The following MRPL39 variants were observed in gnomAD, a reference collection of about 807,000 sequenced individuals.
The protein encoded by MRPL39 is large ribosomal subunit protein mL39.
MRPL39 carries 35 observed loss-of-function variants against 44.5 expected under a neutral mutation model. That is an observed-to-expected ratio of 0.79 (90% confidence interval 0.60 to 1.04). MRPL39 has a LOEUF of 1.04. Among genes scored for constraint, MRPL39 ranks in the 50% least tolerant of loss-of-function variants. The pLI is 0.00. For missense variants in MRPL39, 433 were observed against 413.5 expected (o/e 1.05, Z -0.41); for synonymous variants, 139 against 136.1 (o/e 1.02, Z -0.15).
In MRPL39 at chr21:25,601,353, A is replaced by G; in HGVS notation, c.520+15T>C. The G allele has an allele frequency of 6.4e-7, 1 of 1,573,522 alleles. No individual in the cohort carries two copies. Among genetic ancestry groups the G allele is most frequent in the Non-Finnish European group, 8.7e-7 (1 of 1,149,422 alleles). On this transcript the variant is annotated intron_variant, in intron 4 of 9. Transcript: ENST00000352957. ...ATATTTAAGGATCACAAAAAGACAT[A>G]TATGTATACACTACCAGGAACTTCT...
chr21:25,591,046 A>G (rs2031160287), intron 8 of MRPL39, among the ~76,000 whole-genome samples: 1 of 148,412 alleles, frequency 6.7e-6, no homozygotes, highest in Non-Finnish European at 1.5e-5. Context: ...TTTTCAACGA[A>G]TGGTGTTGGA....
At chr21:25,590,935 T>A (rs1417410288) in intron 8 of MRPL39, among the ~76,000 whole-genome samples, 31 of 152,098 alleles carry the variant, frequency 2.0e-4, no homozygotes, top group Admixed American at 2.0e-3. Context: ...ACATATGTGA[T>A]CAATGGAACA....
chr21:25,603,304 C>T (rs1213093500), intron 3 of MRPL39, among the ~76,000 whole-genome samples: 1 of 151,980 alleles, frequency 6.6e-6, no homozygotes, highest in Non-Finnish European at 1.5e-5. Context: ...GCCTGGAAAG[C>T]TATGTGAATG....
chr21:25,606,635 C>A lies in MRPL39; in HGVS notation c.94G>T (p.Ala32Ser). The change falls in exon 2 of 10, where the codon GCT (alanine) becomes TCT (serine). Residue 32 changes from alanine (A) to serine (S), a missense_variant. Coordinates refer to ENST00000352957, the MANE Select transcript of MRPL39 (RefSeq NM_017446.4). Reference sequence around the variant, plus strand: ...AATTCTGTCGGTGACAGCTGAGAAGCTGACGATGTTGCTATAAATCCTGTG... The same window carrying A: ...AATTCTGTCGGTGACAGCTGAGAAGATGACGATGTTGCTATAAATCCTGTG... ...IKWRFIATSS[A>S]SQLSPTELTE... The A allele has an allele frequency of 6.2e-7, 1 of 1,612,886 alleles. No homozygotes were observed. Among genetic ancestry groups the A allele is most frequent in the Non-Finnish European group, 8.5e-7 (1 of 1,179,016 alleles).
rs1367177796 is a variant in MRPL39, at chr21:25,607,467, C to A, written c.9G>T (p.Ala3=). The A allele has an allele frequency of 1.9e-6, 3 of 1,611,862 alleles. No individual in the cohort carries two copies. The highest frequency in any genetic ancestry group is 1.3e-5 in the African/African-American group (1 of 74,918). Residue 3 remains alanine, a synonymous_variant, in exon 1 of 10, where the codon GCG becomes GCT. Coordinates refer to ENST00000352957, the MANE Select transcript of MRPL39 (RefSeq NM_017446.4). ...GCAGCGCCCGGGAACCCATGGCCAG[C>A]GCCTCCATAGCAGCGGTGAGAACCG... The part of the protein sequence containing the change: ME[A]LAMGSRALRL...
chr21:25,594,249 C>CTTTTTTTTTTTTTTTTTTTT (rs34629790), intron 6 of MRPL39, among the ~76,000 whole-genome samples: 2 of 54,256 alleles, frequency 3.7e-5, no homozygotes, highest in Non-Finnish European at 7.1e-5. Context: ...TTTCTTTGTT[C>CTTTTTTTTTTTTTTTTTTTT]TTTTTTTTTT....
intron 6 of MRPL39, among the ~76,000 whole-genome samples, chr21:25,595,923 G>T (rs978856442): frequency 6.6e-6 from 1 of 152,068 alleles, no homozygotes; most frequent in African/African-American, 2.4e-5. Flanking sequence ...ATAAATGGTG[G>T]TTTGGTTCTA....
intron 4 of MRPL39, 30 bp downstream of exon 4, chr21:25,601,337 GA>G: frequency 7.4e-7 from 1 of 1,360,044 alleles, no homozygotes; most frequent in Non-Finnish European, 1.0e-6. Flanking sequence ...AATATTTAAG[GA>G]TCACAAAAAG....
chr21:25,601,466 G>T lies in MRPL39; in HGVS notation c.422C>A (p.Ala141Glu). The T allele has an allele frequency of 6.4e-7, 1 of 1,565,120 alleles. No homozygotes were observed. Among genetic ancestry groups the T allele is most frequent in the South Asian group, 1.2e-5 (1 of 80,628 alleles). Residue 141 changes from alanine (A) to glutamate (E), a missense_variant and splice_region_variant, in exon 4 of 10, where the codon GCA becomes GAA. Coordinates refer to ENST00000352957, the MANE Select transcript of MRPL39 (RefSeq NM_017446.4). ...KDCDPGEVNK[A>E]YWRSCAMMMG... ...CATCATAGCACAGGAACGCCAATATGCCTAGAAAAAAAATATACATATATA... is the reference window on the plus strand; with the variant it reads ...CATCATAGCACAGGAACGCCAATATTCCTAGAAAAAAAATATACATATATA...
rs369389125 is a variant in MRPL39 at position 25,592,862 on chromosome 21, G to T, written c.871C>A (p.Pro291Thr). 1 of 1,612,918 alleles carries T rather than the reference G, an allele frequency of 6.2e-7. No individual in the cohort carries two copies. The highest frequency in any genetic ancestry group is 8.5e-7 in the Non-Finnish European group (1 of 1,178,934). The change falls in exon 8 of 10, where the codon CCA becomes ACA. Residue 291 changes from proline (P) to threonine (T), a missense_variant. Physicochemically the swap from Pro to Thr is conservative, Grantham distance 38. Transcript: ENST00000352957. ...CCCTGGAATCTTCGTATGAGACTTGGCTGGGTGGGTTGAAGATTGTGAACT... is the reference window on the plus strand; with the variant it reads ...CCCTGGAATCTTCGTATGAGACTTGTCTGGGTGGGTTGAAGATTGTGAACT... The part of the protein sequence containing the change: ...SAVHNLQPTQ[P>T]SLIRRFQGVS...
At position 25,606,548 on chromosome 21, in the gene MRPL39, G is replaced by A. The variant is rs746702905; in HGVS notation, c.181C>T (p.Arg61Ter). 24 of 1,613,602 alleles carry A rather than the reference G, an allele frequency of 1.5e-5. No individual in the cohort carries two copies. In the Admixed American group the frequency reaches 2.5e-4, roughly 17 times the overall value. The change falls in exon 2 of 10, where the codon CGA (arginine) becomes TGA (stop). Residue 61 changes from arginine to a stop codon, truncating the protein, a stop_gained. Coordinates refer to ENST00000352957, the MANE Select transcript of MRPL39 (RefSeq NM_017446.4). LOFTEE classifies it high-confidence loss of function. ...EKARQLSLTPRTEKIEVKHVG... is the reference protein window; with the variant it reads ...EKARQLSLTP ...TGCTTAACTTCTATCTTCTCAGTTC[G>A]GGGAGTTAATGATAACTGCCTGGCT...
intron 7 of MRPL39, 146 bp from the exon 8 acceptor site, chr21:25,593,111 G>T: frequency 1.6e-6 from 1 of 642,296 alleles, no homozygotes; most frequent in Non-Finnish European, 2.5e-6. Context: ...AATGACCCCT[G>T]ACATAATGAT....
rs747586864 is a variant in MRPL39 at position 25,607,451 on chromosome 21, G to T, written c.25C>A (p.Arg9=). ...GCGACCAGCCAGAGCCGCAGCGCCC[G>T]GGAACCCATGGCCAGCGCCTCCATA... The part of the protein sequence containing the change: MEALAMGS[R]ALRLWLVAPG... Residue 9 remains arginine, a synonymous_variant, in exon 1 of 10, where the codon CGG becomes AGG. Transcript: ENST00000352957. 1 of 1,612,652 alleles carries T rather than the reference G, an allele frequency of 6.2e-7. No individual in the cohort carries two copies. Among genetic ancestry groups the T allele is most frequent in the Non-Finnish European group, 8.5e-7 (1 of 1,179,940 alleles).
In MRPL39 at chr21:25,597,343, T is replaced by C. The variant is rs947746343; in HGVS notation, c.660A>G (p.Glu220=). ...IYKDLPFETL[E]VEAKVALEIF... Reference sequence around the variant, plus strand: ...TTTCCAATGCCACTTTTGCTTCAACTTCCAGAGTTTCAAATGGAAGATCTT... The same window carrying C: ...TTTCCAATGCCACTTTTGCTTCAACCTCCAGAGTTTCAAATGGAAGATCTT... Residue 220 remains glutamate (E), a synonymous_variant, in exon 6 of 10, where the codon GAA becomes GAG. Coordinates refer to ENST00000352957, the MANE Select transcript of MRPL39 (RefSeq NM_017446.4). The C allele has an allele frequency of 1.2e-6, 2 of 1,603,376 alleles. No individual in the cohort carries two copies. The highest frequency in any genetic ancestry group is 1.7e-6 in the Non-Finnish European group (2 of 1,173,664).
At chr21:25,598,418 T>C (rs767445598) in intron 5 of MRPL39, among the ~76,000 whole-genome samples, 4 of 140,706 alleles carry the variant, frequency 2.8e-5, no homozygotes, top group Non-Finnish European at 6.1e-5. Context: ...CTAGGCAACA[T>C]AGTGAGACCC....
chr21:25,603,244 G>T (rs920067599), intron 3 of MRPL39, among the ~76,000 whole-genome samples: 2 of 152,158 alleles, frequency 1.3e-5, no homozygotes, highest in Admixed American at 1.3e-4. Flanking sequence ...GTGGAAAGAA[G>T]CAGGGGGGAG....
chr21:25,591,340 C>T (rs1267095815), intron 8 of MRPL39, among the ~76,000 whole-genome samples: 1 of 152,044 alleles, frequency 6.6e-6, no homozygotes, highest in East Asian at 1.9e-4. Flanking sequence ...CTGCAAAAGG[C>T]TGCTCAGAGA....
At chr21:25,601,767 C>T (rs530966253) in intron 3 of MRPL39, among the ~76,000 whole-genome samples, 3 of 152,234 alleles carry the variant, frequency 2.0e-5, no homozygotes, top group African/African-American at 7.2e-5. Flanking sequence ...TTATTTTTAA[C>T]CCACGATAAA....
At chr21:25,596,004 G>GC (rs1251589090) in intron 6 of MRPL39, among the ~76,000 whole-genome samples, 1 of 152,130 alleles carries the variant, frequency 6.6e-6, no homozygotes, top group Non-Finnish European at 1.5e-5. Context: ...TCCAGGACAC[G>GC]CTAAAAATGT....
Sources: allele counts gnomAD v4.1 joint callset (sites outside exome capture counted in the v4.1 genomes callset), GRCh38; gene constraint gnomAD v4.1.1; transcripts MANE v1.5; gene names NCBI Gene and HGNC (gene_info 2026-07-23, HGNC 2026-07-21).